Variants in PDE10A observed in about 807,000 individuals in gnomAD.
PDE10A encodes the protein cAMP and cAMP-inhibited cGMP 3',5'-cyclic phosphodiesterase 10A.
In PDE10A, 39 loss-of-function variants were observed where a neutral mutation model predicts 97.7. The observed-to-expected ratio is 0.40, with a 90% confidence interval of 0.31 to 0.52. The LOEUF (loss-of-function observed/expected upper bound fraction) is 0.52, where lower values mean the gene tolerates loss of function less well. PDE10A is among the 20% of genes least tolerant of loss of function. The pLI is 0.56. For synonymous variants in PDE10A, 371 were observed against 376.8 expected (o/e 0.98, Z 0.18); for missense variants, 731 against 1,047.8 (o/e 0.70, Z 4.17).
intron 1 of PDE10A, among the ~76,000 whole-genome samples, chr6:165,821,535 G>A (rs1008189838): frequency 1.1e-4 from 12 of 106,580 alleles, no homozygotes; most frequent in Non-Finnish European, 2.1e-4. Context: ...TTATTTTTCC[G>A]AGACAGTCTT....
intron 1 of PDE10A, among the ~76,000 whole-genome samples, chr6:165,875,456 T>A (rs967683581): frequency 2.0e-5 from 3 of 152,204 alleles, no homozygotes; most frequent in Non-Finnish European, 4.4e-5. Context: ...TAATAGTCGT[T>A]ACAGATATTT....
rs1343358919 is a variant in PDE10A, at chr6:165,332,839, C to G, written c.*186G>C. The stretch of plus-strand genomic sequence containing the variant: ...TCCTGGTTGCTCAGTGTCTATGATG[C>G]CTCACAGAAGAGATTGGCAGGAAGT... On this transcript the variant is annotated 3_prime_UTR_variant, in exon 22 of 22. Coordinates refer to ENST00000539869, the MANE Select transcript of PDE10A (RefSeq NM_001385079.1). The G allele has an allele frequency of 3.5e-6, 2 of 567,328 alleles. No homozygotes were observed. Among genetic ancestry groups the G allele is most frequent in the Non-Finnish European group, 6.3e-6 (2 of 319,700 alleles). The allele number at this position is 567,328 out of a possible 1,614,324, so 35.1% of individuals were successfully genotyped here. A position where few individuals can be genotyped will look rare whatever the true frequency, so the allele number is the denominator to read the frequency against.
chr6:165,979,236 G>C (rs965421967), intron 1 of PDE10A, among the ~76,000 whole-genome samples: 6 of 152,174 alleles, frequency 3.9e-5, no homozygotes, highest in Non-Finnish European at 8.8e-5. Context: ...GCCAAGACTT[G>C]TGTGGGCTGA....
chr6:165,836,750 TC>T (rs1471728837), intron 1 of PDE10A, among the ~76,000 whole-genome samples: 6 of 151,936 alleles, frequency 3.9e-5, no homozygotes, highest in African/African-American at 1.5e-4. Flanking sequence ...AAAACTCACC[TC>T]CCATGGTACC....
intron 3 of PDE10A, among the ~76,000 whole-genome samples, chr6:165,472,822 G>A (rs1009640136): frequency 6.6e-6 from 1 of 152,096 alleles, no homozygotes; most frequent in Non-Finnish European, 1.5e-5. Context: ...AACATTAAAA[G>A]AGTGTCATAC....
At chr6:165,883,736 G>C (rs1328418138) in intron 1 of PDE10A, among the ~76,000 whole-genome samples, 1 of 152,050 alleles carries the variant, frequency 6.6e-6, no homozygotes, top group East Asian at 1.9e-4. Context: ...GTGAGCCTGA[G>C]AGGAACACGA....
chr6:165,600,891 C>T (rs934758696), intron 1 of PDE10A, among the ~76,000 whole-genome samples: 1 of 152,190 alleles, frequency 6.6e-6, no homozygotes, highest in African/African-American at 2.4e-5. Flanking sequence ...CCATTCCTGA[C>T]TCACAAATAA....
intron 1 of PDE10A, among the ~76,000 whole-genome samples, chr6:165,953,888 T>A (rs1784048741): frequency 6.6e-6 from 1 of 152,198 alleles, no homozygotes; most frequent in African/African-American, 2.4e-5. Flanking sequence ...GGTTGCATTG[T>A]CCTCAAATTC....
At chr6:165,589,075 A>G (rs1009893922) in intron 1 of PDE10A, among the ~76,000 whole-genome samples, 1 of 152,238 alleles carries the variant, frequency 6.6e-6, no homozygotes, top group African/African-American at 2.4e-5. Flanking sequence ...TATATTGCCA[A>G]CATATACAAG....
rs1312144759 is a variant in PDE10A, at chr6:165,655,531, C to T, written c.865+6416G>A. ...ACCCACCTGCAGGTCTTATACACGC[C>T]ACCTCCAAACACCTCCTGAACCACC... On this transcript the variant is annotated intron_variant, in intron 1 of 21. Transcript: ENST00000539869. The surrounding 1 kb of genome is among the most constrained non-coding windows in gnomAD (Gnocchi z 4.5). 1.3e-5 allele frequency among the ~76,000 whole-genome samples: 2 copies of T among 152,048 alleles called. No homozygotes were observed. Among genetic ancestry groups the T allele is most frequent in the African/African-American group, 2.4e-5 (1 of 41,362 alleles).
intron 1 of PDE10A, among the ~76,000 whole-genome samples, chr6:165,979,732 G>C (rs1391205624): frequency 6.6e-6 from 1 of 152,128 alleles, no homozygotes; most frequent in Non-Finnish European, 1.5e-5. Flanking sequence ...CCCACTCTTT[G>C]AGAGCCAACA....
intron 1 of PDE10A, among the ~76,000 whole-genome samples, chr6:165,554,631 C>G (rs570004894): frequency 3.9e-5 from 6 of 152,216 alleles, no homozygotes; most frequent in Admixed American, 1.3e-4. Context: ...AAAAATTGAG[C>G]TACCATATGA....
At chr6:165,399,036 A>C (rs1238124936) in intron 13 of PDE10A, among the ~76,000 whole-genome samples, 2 of 152,196 alleles carry the variant, frequency 1.3e-5, no homozygotes, top group Non-Finnish European at 2.9e-5. Flanking sequence ...TAATAATAAC[A>C]GGCTAGGTTG....
chr6:165,742,714 C>G (rs1283526968), intron 1 of PDE10A, among the ~76,000 whole-genome samples: 1 of 152,112 alleles, frequency 6.6e-6, no homozygotes, highest in African/African-American at 2.4e-5. Flanking sequence ...AAGGTCCTGT[C>G]CTGTAGATAA....
intron 1 of PDE10A, among the ~76,000 whole-genome samples, chr6:165,631,291 G>A (rs1352742385): frequency 6.6e-6 from 1 of 152,144 alleles, no homozygotes; most frequent in Non-Finnish European, 1.5e-5. Context: ...CTGTCTCAGT[G>A]AGAATTGTTA....
At chr6:165,664,018 C>T (rs1488489629), upstream of PDE10A, among the ~76,000 whole-genome samples, 1 of 152,174 alleles carries the variant, frequency 6.6e-6, no homozygotes, top group Non-Finnish European at 1.5e-5. Flanking sequence ...GCGGCGGGGC[C>T]ACCATGGCGC....
At position 165,444,757 on chromosome 6, in the gene PDE10A, C is replaced by T. The variant is rs193041392; in HGVS notation, c.1194+4171G>A. Among the ~76,000 whole-genome samples, 120 of 152,024 alleles carry T rather than the reference C, an allele frequency of 7.9e-4. 1 individual carries two copies. The highest frequency in any genetic ancestry group is 2.8e-3 in the African/African-American group (118 of 41,512). ...TTTTTCCTCCTTGCTTATATGAATG[C>T]ACGTTTTTAAATTCTATTAGAACTT... is the stretch of plus-strand genomic sequence containing the variant. On this transcript the variant is annotated intron_variant, in intron 5 of 21. Coordinates refer to ENST00000539869, the MANE Select transcript of PDE10A (RefSeq NM_001385079.1).
chr6:165,482,379 A>T (rs1220317592), intron 2 of PDE10A, 36 bp from the exon 3 acceptor site: 8 of 1,542,294 alleles, frequency 5.2e-6, no homozygotes, highest in Non-Finnish European at 7.2e-6. Flanking sequence ...AAACACAATT[A>T]GCGACTGAGT....
intron 1 of PDE10A, among the ~76,000 whole-genome samples, chr6:165,695,073 A>G (rs570797435): frequency 6.6e-6 from 1 of 152,316 alleles, no homozygotes; most frequent in South Asian, 2.1e-4. Context: ...TTTTCTATAT[A>G]GAGACATAAG....
Sources: allele counts gnomAD v4.1 joint callset (sites outside exome capture counted in the v4.1 genomes callset), GRCh38; gene constraint gnomAD v4.1.1; non-coding constraint Gnocchi (gnomAD v3.1); transcripts MANE v1.5; gene names NCBI Gene and HGNC (gene_info 2026-07-23, HGNC 2026-07-21).